ZFHX2: variants seen among roughly 807,000 people sequenced by gnomAD.
The protein encoded by ZFHX2 is zinc finger homeobox 2.
ZFHX2 carries 75 observed loss-of-function variants against 164.8 expected under a neutral mutation model. That is an observed-to-expected ratio of 0.46 (90% confidence interval 0.38 to 0.55). ZFHX2 has a LOEUF of 0.55. ZFHX2 is among the 20% of genes least tolerant of loss of function. The pLI is 0.00. For missense variants in ZFHX2, 2,933 were observed against 3,308.0 expected, an observed-to-expected ratio of 0.89 and a Z score of 2.78; for synonymous variants, 1,217 against 1,351.4, an observed-to-expected ratio of 0.90 and a Z score of 2.18.
intron 8 of ZFHX2, 34 bp from the exon 9 acceptor site, chr14:23,526,713 G>A (rs1472228747): frequency 6.5e-6 from 10 of 1,535,570 alleles, no homozygotes; most frequent in Non-Finnish European, 8.7e-6. Context: ...AATGAGGAGG[G>A]AACTTCGTTT....
At chr14:23,527,229 T>C (rs879079382) in intron 7 of ZFHX2, among the ~76,000 whole-genome samples, 4 of 152,226 alleles carry the variant, frequency 2.6e-5, no homozygotes, top group South Asian at 4.1e-4. Flanking sequence ...TCTGGCAGGC[T>C]GGTACCTGCT....
At position 23,522,564 on chromosome 14, in the gene ZFHX2, G is replaced by A; in HGVS notation, c.7117C>T (p.Gln2373Ter). ...AGCCCCTTCTTCATGCCATAGAGCT[G>A]TTGGAAGTAGGCCCCCTGTAGCTGG... The part of the protein sequence containing the change: ...GPQLQGAYFQ[Q>*]LYGMKKGLFP... Residue 2373 changes from glutamine (Q) to a stop codon, truncating the protein, a stop_gained, in exon 10 of 10, where the codon CAG (glutamine) becomes TAG (stop). Transcript: ENST00000419474. LOFTEE classifies it high-confidence loss of function. The A allele has an allele frequency of 6.5e-7, 1 of 1,527,752 alleles. No individual in the cohort carries two copies. Among genetic ancestry groups the A allele is most frequent in the Non-Finnish European group, 8.8e-7 (1 of 1,141,830 alleles). 94.6% of individuals were successfully genotyped at this position (1,527,752 alleles called of 1,614,324 possible).
Position 23,535,155 on chromosome 14 carries a change from C to T in ZFHX2, c.171G>A (p.Gly57=). The T allele has an allele frequency of 6.5e-7, 1 of 1,535,958 alleles. No homozygotes were observed. The highest frequency in any genetic ancestry group is 8.7e-7 in the Non-Finnish European group (1 of 1,146,678). ...TSENMRSSEP[G]GQLLESGCGL... is the part of the protein sequence containing the mutation. ...CACAGCCCGACTCCAGGAGCTGTCC[C>T]CCTGGCTCTGAGGACCTCATGTTCT... Residue 57 remains glycine, a synonymous_variant, in exon 2 of 10, where the codon GGG becomes GGA. Coordinates refer to ENST00000419474, the MANE Select transcript of ZFHX2 (RefSeq NM_033400.3). The surrounding 1 kb of genome is among the most constrained non-coding windows in gnomAD (Gnocchi z 4.5).
Position 23,526,571 on chromosome 14 carries a change from G to A in ZFHX2, c.3371C>T (p.Ser1124Phe). ...TTCAGGGACTGGAGATGGGGCTGGA[G>A]AAGGGGGTTGGCCAGGGCTTCCTGA... ...KPSGSPGQPP[S>F]PAPSPVPEPD... Residue 1124 changes from serine (S) to phenylalanine (F), a missense_variant, in exon 9 of 10, where the codon TCT (serine) becomes TTT (phenylalanine). Ser to Phe is a radical substitution (Grantham distance 155). Transcript: ENST00000419474. 6.5e-7 allele frequency: 1 copy of A among 1,535,890 alleles called. No individual in the cohort carries two copies. The highest frequency in any genetic ancestry group is 8.7e-7 in the Non-Finnish European group (1 of 1,146,806).
rs778472407 is a variant in ZFHX2, at chr14:23,522,310, C to T, written c.7371G>A (p.Lys2457=). The T allele has an allele frequency of 6.6e-7, 1 of 1,523,140 alleles. No homozygotes were observed. The highest frequency in any genetic ancestry group is 8.8e-7 in the Non-Finnish European group (1 of 1,138,868). The allele number at this position is 1,523,140 out of a possible 1,614,324, so 94.4% of individuals were successfully genotyped here. ...CCGGGGCCTCCCCGTCAAATGCCAT[C>T]TTGCACTGGCGGCACAGGTAGCGAT... ...VTHRYLCRQC[K]MAFDGEAPAT... Residue 2457 remains lysine, a synonymous_variant, in exon 10 of 10, where the codon AAG becomes AAA. Transcript: ENST00000419474.
chr14:23,531,574 G>A lies in ZFHX2; in HGVS notation c.2707C>T (p.Leu903=). 1 of 1,526,182 alleles carries A rather than the reference G, an allele frequency of 6.6e-7. No homozygotes were observed. Among genetic ancestry groups the A allele is most frequent in the Non-Finnish European group, 8.8e-7 (1 of 1,140,862 alleles). The allele number at this position is 1,526,182 out of a possible 1,614,324, so 94.5% of individuals were successfully genotyped here. The stretch of plus-strand genomic sequence containing the variant: ...GTTGGGCCATTCTGTAGCAGCTGCA[G>A]ACGCCTCTGGGCCTGGGCATCGCGG... ...AHRDAQAQRR[L]QLLQNGPTTE... is the part of the protein sequence containing the mutation. Residue 903 remains leucine (L), a synonymous_variant, in exon 4 of 10, where the codon CTG becomes TTG. Coordinates refer to ENST00000419474, the MANE Select transcript of ZFHX2 (RefSeq NM_033400.3).
At chr14:23,530,918 C>G (rs1330106007) in intron 4 of ZFHX2, 1 of 189,872 alleles carries the variant, frequency 5.3e-6, no homozygotes. Context: ...TCTCCTGTAC[C>G]CTCTGGATCA....
Position 23,531,557 on chromosome 14 carries a change from A to G in ZFHX2, c.2724T>C (p.Asn908=). 2.0e-6 allele frequency: 3 copies of G among 1,523,820 alleles called. No homozygotes were observed. Among genetic ancestry groups the G allele is most frequent in the Non-Finnish European group, 2.6e-6 (3 of 1,139,160 alleles). 94.4% of individuals were successfully genotyped at this position (1,523,820 alleles called of 1,614,324 possible). A position where few individuals can be genotyped will look rare whatever the true frequency, so the allele number is the denominator to read the frequency against. Residue 908 remains asparagine (N), a synonymous_variant, in exon 4 of 10, where the codon AAT becomes AAC. Transcript: ENST00000419474. ...CGAGTCCTTCCTCAGTGGTTGGGCC[A>G]TTCTGTAGCAGCTGCAGACGCCTCT... The part of the protein sequence containing the change: ...QAQRRLQLLQ[N]GPTTEEGLAA...
At chr14:23,527,564 T>TA in intron 7 of ZFHX2, 40 bp downstream of exon 7, 1 of 1,535,046 alleles carries the variant, frequency 6.5e-7, no homozygotes. Flanking sequence ...ACAGCCCTAA[T>TA]AAGGTCTTGT....
chr14:23,541,969 CAA>C (rs1342619463), intron 1 of ZFHX2, among the ~76,000 whole-genome samples: 2 of 151,630 alleles, frequency 1.3e-5, no homozygotes, highest in African/African-American at 4.9e-5. Context: ...AAGTTTTGTC[CAA>C]AAGAGAGAGA....
At chr14:23,555,322 G>A (rs1882273761), upstream of ZFHX2, among the ~76,000 whole-genome samples, 1 of 152,094 alleles carries the variant, frequency 6.6e-6, no homozygotes. Context: ...ATGAACATAA[G>A]TAGTTCTACA....
chr14:23,533,844 G>GC lies in ZFHX2; in HGVS notation c.1481dup (p.Leu495ProfsTer17). ...AGTTGTAGCTCTCTCCACGAGCAAG[G>GC]CGGGGGTGGGCGCCCCCAGCACTGC... On this transcript the variant is annotated frameshift_variant, in exon 2 of 10. Transcript: ENST00000419474. LOFTEE classifies it high-confidence loss of function. This position sits in a 1 kb window ranked among gnomAD's most constrained non-coding sequence, Gnocchi z 4.8. The GC allele has an allele frequency of 6.5e-7, 1 of 1,539,406 alleles. No individual in the cohort carries two copies. The highest frequency in any genetic ancestry group is 8.7e-7 in the Non-Finnish European group (1 of 1,148,208).
In ZFHX2 at chr14:23,524,384, T is replaced by A; in HGVS notation, c.5558A>T (p.Glu1853Val). 6.5e-7 allele frequency: 1 copy of A among 1,536,190 alleles called. No individual in the cohort carries two copies. Among genetic ancestry groups the A allele is most frequent in the Non-Finnish European group, 8.7e-7 (1 of 1,146,916 alleles). Residue 1853 changes from glutamate (E) to valine (V), a missense_variant, in exon 9 of 10, where the codon GAG becomes GTG. Transcript: ENST00000419474. The surrounding 1 kb of genome is among the most constrained non-coding windows in gnomAD (Gnocchi z 5.6). Reference sequence around the variant, plus strand: ...GCGCAGGCGCTTGTCCCTGGGGGGCTCGCCCTCCCCTCCTCCCCCTGCTTC... The same window carrying A: ...GCGCAGGCGCTTGTCCCTGGGGGGCACGCCCTCCCCTCCTCCCCCTGCTTC... Reference protein sequence around the residue: ...GSEAGGGGEGEPPRDKRLRTT... With the variant: ...GSEAGGGGEGVPPRDKRLRTT...
At chr14:23,554,837 G>A (rs1460000538), upstream of ZFHX2, among the ~76,000 whole-genome samples, 1 of 152,104 alleles carries the variant, frequency 6.6e-6, no homozygotes, top group African/African-American at 2.4e-5. Context: ...TAAGAGCCAC[G>A]GTTCCTCAGG....
chr14:23,523,018 CCACACA>C lies in ZFHX2; in HGVS notation c.6740-83_6740-78del. On this transcript the variant is annotated intron_variant, in intron 9 of 9. Transcript: ENST00000419474. This position sits in a 1 kb window ranked among gnomAD's most constrained non-coding sequence, Gnocchi z 4.1. ...TCTTCCTGCCATAGGCCACCTCCAGCCACACACACCCGTTCCCAGCACCGGATTTCC... is the reference window on the plus strand; with the variant it reads ...TCTTCCTGCCATAGGCCACCTCCAGCCACCCGTTCCCAGCACCGGATTTCC... The C allele has an allele frequency of 4.2e-6, 6 of 1,419,774 alleles. No individual in the cohort carries two copies. The highest frequency in any genetic ancestry group is 5.5e-6 in the Non-Finnish European group (6 of 1,091,340). 87.9% of individuals were successfully genotyped at this position (1,419,774 alleles called of 1,614,324 possible). A position where few individuals can be genotyped will look rare whatever the true frequency, so the allele number is the denominator to read the frequency against.
rs892155073 is a variant in ZFHX2, at chr14:23,524,782, C to T, written c.5160G>A (p.Glu1720=). The T allele has an allele frequency of 7.2e-6, 11 of 1,536,558 alleles. No individual in the cohort carries two copies. The African/African-American group carries it at 9.6e-5, about 13-fold the overall frequency. Residue 1720 remains glutamate (E), a synonymous_variant, in exon 9 of 10, where the codon GAG becomes GAA. Transcript: ENST00000419474. The surrounding 1 kb of genome is among the most constrained non-coding windows in gnomAD (Gnocchi z 5.6). ...EEEEVEEEEV[E]EEQGLEPPAG... Reference sequence around the variant, plus strand: ...CTGGAGGTTCAAGGCCCTGTTCCTCCTCTACTTCTTCTTCTTCCACCTCTT... The same window carrying T: ...CTGGAGGTTCAAGGCCCTGTTCCTCTTCTACTTCTTCTTCTTCCACCTCTT...
chr14:23,531,598 G>GGTGGGCAGGT lies in ZFHX2; in HGVS notation c.2673_2682dup (p.Arg895ThrfsTer22). ...AGACGCCTCTGGGCCTGGGCATCGC[G>GGTGGGCAGGT]GTGGGCAGGTGTGCGCAGGTGTTGC... is the stretch of plus-strand genomic sequence containing the variant. On this transcript the variant is annotated frameshift_variant, in exon 4 of 10. Transcript: ENST00000419474. LOFTEE classifies it high-confidence loss of function. The GGTGGGCAGGT allele has an allele frequency of 1.3e-6, 2 of 1,526,190 alleles. No individual in the cohort carries two copies. Among genetic ancestry groups the GGTGGGCAGGT allele is most frequent in the Non-Finnish European group, 1.8e-6 (2 of 1,141,046 alleles). 94.5% of individuals were successfully genotyped at this position (1,526,190 alleles called of 1,614,324 possible).
intron 1 of ZFHX2, among the ~76,000 whole-genome samples, chr14:23,550,507 T>C (rs2138940252): frequency 6.6e-6 from 1 of 152,120 alleles, no homozygotes; most frequent in African/African-American, 2.4e-5. Context: ...GTGGAGACAG[T>C]GACATACAGA....
intron 1 of ZFHX2, among the ~76,000 whole-genome samples, chr14:23,536,736 A>C (rs1278901502): frequency 2.6e-5 from 4 of 152,220 alleles, no homozygotes; most frequent in African/African-American, 9.6e-5. Flanking sequence ...CTAGAAATGG[A>C]CTGATGAGGC....
Sources: allele counts gnomAD v4.1 joint callset (sites outside exome capture counted in the v4.1 genomes callset), GRCh38; gene constraint gnomAD v4.1.1; non-coding constraint Gnocchi (gnomAD v3.1); transcripts MANE v1.5; gene names NCBI Gene and HGNC (gene_info 2026-07-23, HGNC 2026-07-21).